Variants in SH3PXD2A observed in about 807,000 individuals in gnomAD.
SH3PXD2A encodes SH3 and PX domains 2A, also known as SH3 and PX domain-containing protein 2A.
A neutral mutation model predicts 115.2 loss-of-function variants in SH3PXD2A; 32 were observed. The ratio of observed to expected loss-of-function variants is 0.28; its 90% CI spans 0.21 to 0.37. The LOEUF is 0.37. Ranked by LOEUF, SH3PXD2A falls within the 10% of genes least tolerant of loss-of-function variation. SH3PXD2A has a pLI of 1.00. For synonymous variants in SH3PXD2A, 610 were observed against 629.1 expected (o/e 0.97, Z 0.45); for missense variants, 1,328 against 1,498.7 (o/e 0.89, Z 1.88).
At chr10:103,651,464 CAT>C (rs2037121584) in intron 8 of SH3PXD2A, among the ~76,000 whole-genome samples, 2 of 152,226 alleles carry the variant, frequency 1.3e-5, no homozygotes, top group African/African-American at 4.8e-5. Flanking sequence ...CCAGGGAACT[CAT>C]GTGGTGAAGC....
rs563563757 is a variant in SH3PXD2A, at chr10:103,756,635, C to G, written c.229+10459G>C. ...TCCTTTCCCTTCACCCCCACGGATG[C>G]AGCCCACAGGCAGGAGTGGGGAGTG... is the stretch of plus-strand genomic sequence containing the variant. On this transcript the variant is annotated intron_variant, in intron 3 of 14. Coordinates refer to ENST00000369774, the MANE Select transcript of SH3PXD2A (RefSeq NM_001394015.1). This position sits in a 1 kb window ranked among gnomAD's most constrained non-coding sequence, Gnocchi z 4.4. 1.3e-5 allele frequency among the ~76,000 whole-genome samples: 2 copies of G among 152,298 alleles called. No individual in the cohort carries two copies. Among genetic ancestry groups the G allele is most frequent in the South Asian group, 4.1e-4 (2 of 4,824 alleles).
At chr10:103,638,492 C>T (rs546714831) in intron 8 of SH3PXD2A, among the ~76,000 whole-genome samples, 2 of 152,354 alleles carry the variant, frequency 1.3e-5, no homozygotes, top group Admixed American at 6.5e-5. Flanking sequence ...TAACAAGCAA[C>T]GCAGGCAGAG....
At chr10:103,841,473 G>C (rs2039597520) in intron 1 of SH3PXD2A, among the ~76,000 whole-genome samples, 1 of 152,146 alleles carries the variant, frequency 6.6e-6, no homozygotes, top group African/African-American at 2.4e-5. Context: ...CTTTTAAAGG[G>C]GGTCAGGGTC....
chr10:103,753,964 A>G (rs2038609798), intron 3 of SH3PXD2A: 1 of 152,212 alleles, frequency 6.6e-6, no homozygotes, highest in Non-Finnish European at 1.5e-5. Context: ...CACTTAAGCC[A>G]TCTTCACCAA....
At chr10:103,843,688 C>T (rs1842807490) in intron 1 of SH3PXD2A, among the ~76,000 whole-genome samples, 1 of 152,168 alleles carries the variant, frequency 6.6e-6, no homozygotes, top group African/African-American at 2.4e-5. Context: ...TTTAATTCAG[C>T]CCTTTGGGGT....
intron 1 of SH3PXD2A, among the ~76,000 whole-genome samples, chr10:103,844,312 C>G (rs1214915099): frequency 6.6e-6 from 1 of 152,220 alleles, no homozygotes; most frequent in Non-Finnish European, 1.5e-5. Context: ...GAGTTTCACC[C>G]TCTCGGAGCT....
intron 1 of SH3PXD2A, among the ~76,000 whole-genome samples, chr10:103,817,946 G>A (rs2039340576): frequency 6.6e-6 from 1 of 152,188 alleles, no homozygotes; most frequent in Non-Finnish European, 1.5e-5. Flanking sequence ...TAAGGAGACT[G>A]CTAATGGGGC....
At chr10:103,604,496 G>C (rs2036270805) in intron 14 of SH3PXD2A, among the ~76,000 whole-genome samples, 12 of 152,204 alleles carry the variant, frequency 7.9e-5, no homozygotes, top group Admixed American at 4.6e-4. Context: ...GGCCAAAAGT[G>C]TGGCTGCTGG....
At chr10:103,660,027 C>T (rs1415945664) in intron 8 of SH3PXD2A, among the ~76,000 whole-genome samples, 1 of 152,152 alleles carries the variant, frequency 6.6e-6, no homozygotes, top group East Asian at 1.9e-4. Flanking sequence ...TAAACACTGG[C>T]AAGGCATAGA....
At chr10:103,730,945 G>GA (rs1423531938) in intron 4 of SH3PXD2A, among the ~76,000 whole-genome samples, 1 of 152,204 alleles carries the variant, frequency 6.6e-6, no homozygotes, top group African/African-American at 2.4e-5. Flanking sequence ...TGCGGAGACT[G>GA]AATGTGCACC....
rs1464418089 is a variant in SH3PXD2A at position 103,620,241 on chromosome 10, T to C, written c.802+2229A>G. On this transcript the variant is annotated intron_variant, in intron 10 of 14. Transcript: ENST00000369774. The surrounding 1 kb of genome is among the most constrained non-coding windows in gnomAD (Gnocchi z 5.3). The stretch of plus-strand genomic sequence containing the variant: ...GATCCTCCGGGCTTCTGGGAAGCAC[T>C]GGGGCCGTGAACACTGACCACGCCA... 6.6e-6 allele frequency among the ~76,000 whole-genome samples: 1 copy of C among 152,118 alleles called. No homozygotes were observed.
intron 1 of SH3PXD2A, among the ~76,000 whole-genome samples, chr10:103,845,684 T>C (rs2134323373): frequency 6.6e-6 from 1 of 152,356 alleles, no homozygotes; most frequent in South Asian, 2.1e-4. Flanking sequence ...TTCACTTTAC[T>C]CTATGGACTT....
intron 14 of SH3PXD2A, among the ~76,000 whole-genome samples, chr10:103,604,216 A>C (rs2036266258): frequency 6.6e-6 from 1 of 152,174 alleles, no homozygotes; most frequent in Non-Finnish European, 1.5e-5. Flanking sequence ...GTTCCTTGAA[A>C]GGGTCTCTAG....
At chr10:103,802,339 G>A (rs1012510605) in intron 1 of SH3PXD2A, among the ~76,000 whole-genome samples, 4 of 152,168 alleles carry the variant, frequency 2.6e-5, no homozygotes, top group African/African-American at 4.8e-5. Flanking sequence ...GATGAGAAAC[G>A]GATTTGAAGA....
chr10:103,656,518 G>T (rs776817461), intron 8 of SH3PXD2A, among the ~76,000 whole-genome samples: 1 of 152,216 alleles, frequency 6.6e-6, no homozygotes, highest in Non-Finnish European at 1.5e-5. Context: ...ACAGTTAGAA[G>T]AGCATAGCTG....
In SH3PXD2A at chr10:103,756,636, A is replaced by G. The variant is rs1305840245; in HGVS notation, c.229+10458T>C. Among the ~76,000 whole-genome samples the G allele has an allele frequency of 6.6e-6, 1 of 152,154 alleles. No individual in the cohort carries two copies. The highest frequency in any genetic ancestry group is 6.5e-5 in the Admixed American group (1 of 15,282). ...CCTTTCCCTTCACCCCCACGGATGC[A>G]GCCCACAGGCAGGAGTGGGGAGTGG... On this transcript the variant is annotated intron_variant, in intron 3 of 14. Coordinates refer to ENST00000369774, the MANE Select transcript of SH3PXD2A (RefSeq NM_001394015.1). The surrounding 1 kb of genome is among the most constrained non-coding windows in gnomAD (Gnocchi z 4.4).
chr10:103,764,221 T>TC (rs765116916), intron 3 of SH3PXD2A, among the ~76,000 whole-genome samples: 5 of 152,180 alleles, frequency 3.3e-5, no homozygotes, highest in Non-Finnish European at 7.3e-5. Flanking sequence ...TTTTCCTCCA[T>TC]CTTTTTCCTT....
chr10:103,679,186 A>AG (rs1386518931), intron 6 of SH3PXD2A, among the ~76,000 whole-genome samples: 1 of 152,170 alleles, frequency 6.6e-6, no homozygotes, highest in Non-Finnish European at 1.5e-5. Context: ...AGCACTTGTG[A>AG]CACTGTTTTA....
intron 2 of SH3PXD2A, among the ~76,000 whole-genome samples, chr10:103,800,314 G>T (rs2039135304): frequency 6.6e-6 from 1 of 152,178 alleles, no homozygotes; most frequent in Admixed American, 6.5e-5. Context: ...TCCAGAGAGG[G>T]CATCTGACCC....
Sources: gnomAD v4.1 joint callset for allele counts (sites outside exome capture counted in the v4.1 genomes callset) on GRCh38, gnomAD v4.1.1 for gene constraint, Gnocchi (gnomAD v3.1) non-coding constraint, MANE v1.5 for transcripts, NCBI Gene and HGNC (gene_info 2026-07-23, HGNC 2026-07-21) for gene names.